The following FOXK2 variants were observed in gnomAD, a reference collection of about 807,000 sequenced individuals.
FOXK2 encodes the protein forkhead box protein K2.
A neutral mutation model predicts 53.3 loss-of-function variants in FOXK2; 24 were observed. The observed-to-expected ratio is 0.45, with a 90% CI of 0.33 to 0.63. FOXK2 has a LOEUF of 0.63. Ranked by LOEUF, FOXK2 falls within the 30% of genes least tolerant of loss-of-function variation. FOXK2 has a pLI of 0.03. For synonymous variants in FOXK2, 505 were observed against 407.1 expected (o/e 1.24, Z -2.89); for missense variants, 952 against 910.5 (o/e 1.05, Z -0.59).
intron 1 of FOXK2, among the ~76,000 whole-genome samples, chr17:82,536,249 T>C (rs1364919104): frequency 6.6e-6 from 1 of 152,226 alleles, no homozygotes; most frequent in Non-Finnish European, 1.5e-5. Flanking sequence ...AAATCCAGCA[T>C]CTGGCCTTCC....
intron 1 of FOXK2, among the ~76,000 whole-genome samples, chr17:82,525,995 C>CCTG (rs2044415253): frequency 6.6e-6 from 1 of 152,232 alleles, no homozygotes; most frequent in Admixed American, 6.5e-5. Flanking sequence ...TCTTATGTGG[C>CCTG]ATGAATCCCT....
intron 1 of FOXK2, among the ~76,000 whole-genome samples, chr17:82,554,784 G>A (rs966579045): frequency 4.7e-5 from 7 of 148,024 alleles, no homozygotes; most frequent in Admixed American, 1.4e-4. Context: ...TCGCTCTGTC[G>A]CCCAGGCTGG....
At position 82,520,054 on chromosome 17, in the gene FOXK2, A is replaced by G; in HGVS notation, c.166A>G (p.Ile56Val). The change falls in exon 1 of 9, where the codon ATC becomes GTC. Residue 56 changes from isoleucine to valine, a missense_variant. Coordinates refer to ENST00000335255, the MANE Select transcript of FOXK2 (RefSeq NM_004514.4). Reference protein sequence around the residue: ...EYLMKKRSVTIGRNSSQGSVD... With the variant: ...EYLMKKRSVTVGRNSSQGSVD... ...TCTGATGAAGAAGCGCTCGGTGACC[A>G]TCGGCCGCAACTCGTCGCAGGGCTC... 6.5e-7 allele frequency: 1 copy of G among 1,536,396 alleles called. No individual in the cohort carries two copies. Among genetic ancestry groups the G allele is most frequent in the Non-Finnish European group, 8.7e-7 (1 of 1,143,914 alleles).
chr17:82,597,378 C>T (rs577419167), intron 8 of FOXK2, among the ~76,000 whole-genome samples: 2 of 152,342 alleles, frequency 1.3e-5, no homozygotes, highest in East Asian at 3.9e-4. Context: ...GTCGCCCTCT[C>T]TTGTGGCCCA....
chr17:82,555,777 A>T (rs906567020), intron 1 of FOXK2, among the ~76,000 whole-genome samples: 2 of 148,746 alleles, frequency 1.3e-5, no homozygotes, highest in Non-Finnish European at 3.0e-5. Flanking sequence ...AGTCCCAGCT[A>T]CTCGGGAGGC....
At chr17:82,534,206 A>G (rs72861024) in intron 1 of FOXK2, among the ~76,000 whole-genome samples, 27,489 of 152,016 alleles carry the variant, frequency 0.18, 2,834 homozygotes, top group Non-Finnish European at 0.24. Context: ...TGATTGCACT[A>G]TTGCACTCAA....
At chr17:82,548,697 A>G (rs547010280) in intron 1 of FOXK2, among the ~76,000 whole-genome samples, 1 of 152,328 alleles carries the variant, frequency 6.6e-6, no homozygotes, top group Admixed American at 6.5e-5. Context: ...GAATTAGCAG[A>G]AGGAATTGCT....
rs199838161 is a variant in FOXK2 at position 82,585,964 on chromosome 17, T to G, written c.1340T>G (p.Ile447Ser). 34 of 1,612,758 alleles carry G rather than the reference T, an allele frequency of 2.1e-5. No individual in the cohort carries two copies. The highest frequency in any genetic ancestry group is 2.7e-5 in the Non-Finnish European group (32 of 1,179,918). ...ITVQRQLPQAIKPVTYTVATP... is the reference protein window; with the variant it reads ...ITVQRQLPQASKPVTYTVATP... The stretch of plus-strand genomic sequence containing the variant: ...GTCCAGCGGCAGCTACCACAGGCCA[T>G]CAAGCCTGTCACCTACACTGTGGCC... Residue 447 changes from isoleucine (I) to serine (S), a missense_variant, in exon 7 of 9, where the codon ATC becomes AGC. Physicochemically the swap from Ile to Ser is moderately radical, Grantham distance 142. Transcript: ENST00000335255.
At chr17:82,530,108 A>G (rs1414329515) in intron 1 of FOXK2, among the ~76,000 whole-genome samples, 1 of 151,948 alleles carries the variant, frequency 6.6e-6, no homozygotes, top group East Asian at 1.9e-4. Flanking sequence ...ATGGCTCTCA[A>G]GGTGCTGTTT....
chr17:82,532,259 C>T (rs953259729), intron 1 of FOXK2, among the ~76,000 whole-genome samples: 2 of 152,092 alleles, frequency 1.3e-5, no homozygotes, highest in African/African-American at 4.8e-5. Flanking sequence ...ATTCTCCTGC[C>T]TCAGCTTTCC....
At chr17:82,592,826 C>T (rs1406251421) in intron 8 of FOXK2, among the ~76,000 whole-genome samples, 1 of 152,170 alleles carries the variant, frequency 6.6e-6, no homozygotes, top group Non-Finnish European at 1.5e-5. Flanking sequence ...GAGGGAGACC[C>T]TGTGAAGGTC....
At chr17:82,566,082 G>A (rs893085978) in intron 2 of FOXK2, among the ~76,000 whole-genome samples, 2 of 152,084 alleles carry the variant, frequency 1.3e-5, no homozygotes, top group African/African-American at 4.8e-5. Flanking sequence ...GGGAGGGGGA[G>A]CCGGTGTTTC....
At chr17:82,531,580 C>T (rs1190793574) in intron 1 of FOXK2, among the ~76,000 whole-genome samples, 2 of 152,206 alleles carry the variant, frequency 1.3e-5, no homozygotes, top group African/African-American at 4.8e-5. Context: ...GTTGCGCCTA[C>T]AGCCACATGC....
At chr17:82,545,928 G>T (rs916428013) in intron 1 of FOXK2, among the ~76,000 whole-genome samples, 1 of 152,092 alleles carries the variant, frequency 6.6e-6, no homozygotes, top group Non-Finnish European at 1.5e-5. Context: ...GCTTTGTGCA[G>T]TTCATAGCCA....
chr17:82,525,510 G>A (rs964465036), intron 1 of FOXK2, among the ~76,000 whole-genome samples: 1 of 152,106 alleles, frequency 6.6e-6, no homozygotes, highest in Non-Finnish European at 1.5e-5. Context: ...CCAAGGGCCT[G>A]GTCTGGAGGC....
intron 1 of FOXK2, among the ~76,000 whole-genome samples, chr17:82,537,780 G>A (rs1195190496): frequency 6.6e-6 from 1 of 151,736 alleles, no homozygotes; most frequent in Non-Finnish European, 1.5e-5. Flanking sequence ...AAATTAGCCG[G>A]GCGTGGTGGT....
intron 6 of FOXK2, among the ~76,000 whole-genome samples, chr17:82,584,811 C>A (rs2045113666): frequency 6.6e-6 from 1 of 152,204 alleles, no homozygotes; most frequent in Non-Finnish European, 1.5e-5. Flanking sequence ...CTTGGCCTCC[C>A]AAAGTGCTGG....
In FOXK2 at chr17:82,520,602, C is replaced by T. The variant is rs1344790036; in HGVS notation, c.419+295C>T. Among the ~76,000 whole-genome samples, 3 of 152,224 alleles carry T rather than the reference C, an allele frequency of 2.0e-5. No homozygotes were observed. The East Asian group carries it at 5.8e-4, about 29-fold the overall frequency. On this transcript the variant is annotated intron_variant, in intron 1 of 8. Transcript: ENST00000335255. ...CGGGTCAAGGTTTCTGGGTTCTGTG[C>T]GTGCGGGGAGTTCACGTGTGCTGTT...
chr17:82,578,294 G>C, intron 4 of FOXK2: 1 of 152,310 alleles, frequency 6.6e-6, no homozygotes, highest in Non-Finnish European at 1.5e-5. Context: ...GAGAGCCCCG[G>C]AAGGGAGGGA....
Sources: gnomAD v4.1 joint callset for allele counts (sites outside exome capture counted in the v4.1 genomes callset) on GRCh38, gnomAD v4.1.1 for gene constraint, MANE v1.5 for transcripts, NCBI Gene and HGNC (gene_info 2026-07-23, HGNC 2026-07-21) for gene names.